NSD2: variants seen among roughly 807,000 people sequenced by gnomAD.
NSD2 encodes histone-lysine N-methyltransferase NSD2.
NSD2 carries 12 observed loss-of-function variants against 139.0 expected under a neutral mutation model. The observed-to-expected ratio is 0.09, with a 90% CI of 0.06 to 0.14. The LOEUF is 0.14. Among genes scored for constraint, NSD2 ranks in the 10% least tolerant of loss-of-function variants. The pLI, the probability that NSD2 is intolerant of heterozygous loss-of-function variation, is 1.00. For missense variants in NSD2, 1,155 were observed against 1,745.0 expected, an observed-to-expected ratio of 0.66 and a Z score of 6.02; for synonymous variants, 669 against 648.7, an observed-to-expected ratio of 1.03 and a Z score of -0.48.
rs529355998 is a variant in NSD2 at position 1,956,508 on chromosome 4, C to T, written c.2881+320C>T. Among the ~76,000 whole-genome samples the T allele has an allele frequency of 8.5e-5, 13 of 152,180 alleles. No individual in the cohort carries two copies. The South Asian group carries it at 2.7e-3, about 32-fold the overall frequency. ...TAAAATGCAGATCTGAAGGAAGGGTCCTGTTGTCTCGACCTTGTGCAGCAG... is the reference window on the plus strand; with the variant it reads ...TAAAATGCAGATCTGAAGGAAGGGTTCTGTTGTCTCGACCTTGTGCAGCAG... On this transcript the variant is annotated intron_variant, in intron 15 of 21. Transcript: ENST00000508803. The surrounding 1 kb of genome is among the most constrained non-coding windows in gnomAD (Gnocchi z 5.3).
chr4:1,947,420 G>A (rs1193214185), intron 9 of NSD2: 2 of 1,059,806 alleles, frequency 1.9e-6, no homozygotes, highest in East Asian at 5.2e-5. Flanking sequence ...TGCTCTGGGA[G>A]TGGAGACTTC....
In NSD2 at chr4:1,981,688, C is replaced by T. The variant is rs77520268; in HGVS notation, c.*2779C>T. On this transcript the variant is annotated 3_prime_UTR_variant, in exon 22 of 22. Coordinates refer to ENST00000508803, the MANE Select transcript of NSD2 (RefSeq NM_001042424.3). Reference sequence around the variant, plus strand: ...CGTCCATGGCTGGCTGGGTCCCCTTCGCAGTGTTTGTCTGTCTTGACATCT... The same window carrying T: ...CGTCCATGGCTGGCTGGGTCCCCTTTGCAGTGTTTGTCTGTCTTGACATCT... The T allele has an allele frequency of 1.2e-3, 483 of 394,842 alleles. 4 individuals carry two copies. Among genetic ancestry groups the T allele is most frequent in the African/African-American group, 8.9e-3 (434 of 48,708 alleles). The allele number at this position is 394,842 out of a possible 1,614,324, so 24.5% of individuals were successfully genotyped here. A position where few individuals can be genotyped will look rare whatever the true frequency, so the allele number is the denominator to read the frequency against.
chr4:1,905,914 T>G (rs1320195594), intron 3 of NSD2, among the ~76,000 whole-genome samples: 1 of 152,198 alleles, frequency 6.6e-6, no homozygotes, highest in Non-Finnish European at 1.5e-5. Context: ...TAAATGCTGG[T>G]TGAGACAGAA....
chr4:1,895,841 A>G (rs917354690), intron 1 of NSD2, among the ~76,000 whole-genome samples: 2 of 152,128 alleles, frequency 1.3e-5, no homozygotes, highest in African/African-American at 4.8e-5. Flanking sequence ...CACATTTCTC[A>G]AGGGTGGCTC....
intron 9 of NSD2, chr4:1,946,461 G>C (rs1723643438): frequency 1.7e-6 from 1 of 601,900 alleles, no homozygotes; most frequent in East Asian, 8.3e-5. Flanking sequence ...AGTAGAGACA[G>C]GGTTTCGCCA....
chr4:1,897,059 G>A (rs1477933804), intron 1 of NSD2, among the ~76,000 whole-genome samples: 1 of 151,890 alleles, frequency 6.6e-6, no homozygotes, highest in Non-Finnish European at 1.5e-5. Flanking sequence ...CCTCACAGCT[G>A]CTCAGGAGGC....
chr4:1,890,581 G>A (rs1182296250), intron 1 of NSD2, among the ~76,000 whole-genome samples: 4 of 151,728 alleles, frequency 2.6e-5, no homozygotes, highest in Non-Finnish European at 5.9e-5. Context: ...GATTACAGGC[G>A]TGAGTCACCG....
At position 1,955,281 on chromosome 4, in the gene NSD2, G is replaced by A. The variant is rs758343111; in HGVS notation, c.2459G>A (p.Arg820Gln). Residue 820 changes from arginine (R) to glutamine (Q), a missense_variant, in exon 13 of 22, where the codon CGG becomes CAG. Arg to Gln is a conservative substitution (Grantham distance 43). This residue lies in a region of NSD2 where 120 missense variants were observed against 239.3 expected (regional missense o/e 0.50). Coordinates refer to ENST00000508803, the MANE Select transcript of NSD2 (RefSeq NM_001042424.3). The surrounding 1 kb of genome is among the most constrained non-coding windows in gnomAD (Gnocchi z 4.7). ...SIICTAHFTA[R>Q]KGKRHHAHVN... Reference sequence around the variant, plus strand: ...ATCTGCACTGCCCACTTCACTGCTCGGAAGGGGAAGCGACACCACGCCCAC... The same window carrying A: ...ATCTGCACTGCCCACTTCACTGCTCAGAAGGGGAAGCGACACCACGCCCAC... The A allele has an allele frequency of 2.5e-5, 41 of 1,613,988 alleles. 1 individual carries two copies. The highest frequency in any genetic ancestry group is 1.7e-4 in the Middle Eastern group (1 of 6,036).
At position 1,955,564 on chromosome 4, in the gene NSD2, G is replaced by A. The variant is rs546402757; in HGVS notation, c.2519-129G>A. The A allele has an allele frequency of 2.2e-4, 289 of 1,285,452 alleles. No homozygotes were observed. Among genetic ancestry groups the A allele is most frequent in the Non-Finnish European group, 2.9e-4 (277 of 960,066 alleles). The allele number at this position is 1,285,452 out of a possible 1,614,324, so 79.6% of individuals were successfully genotyped here. The stretch of plus-strand genomic sequence containing the variant: ...AAATGACATTTGCTCTCGTGCTGAT[G>A]TACAGATCGCTGTTTTAAAACTGAT... On this transcript the variant is annotated intron_variant, in intron 13 of 21. Coordinates refer to ENST00000508803, the MANE Select transcript of NSD2 (RefSeq NM_001042424.3). The surrounding 1 kb of genome is among the most constrained non-coding windows in gnomAD (Gnocchi z 4.7).
At position 1,976,339 on chromosome 4, in the gene NSD2, ACTCCT is replaced by A. The variant is rs1364332513; in HGVS notation, c.3622-123_3622-119del. 15 of 848,316 alleles carry A rather than the reference ACTCCT, an allele frequency of 1.8e-5. No homozygotes were observed. The highest frequency in any genetic ancestry group is 2.8e-5 in the Non-Finnish European group (15 of 542,412). The allele number at this position is 848,316 out of a possible 1,614,324, so 52.5% of individuals were successfully genotyped here. Reference sequence around the variant, plus strand: ...GATGTCTGGGGAGCACGAGGAGGACACTCCTCTCCTCTCCTCTTAGTGTTGGGCAC... The same window carrying A: ...GATGTCTGGGGAGCACGAGGAGGACACTCCTCTCCTCTTAGTGTTGGGCAC... On this transcript the variant is annotated intron_variant, in intron 20 of 21. Transcript: ENST00000508803. The surrounding 1 kb of genome is among the most constrained non-coding windows in gnomAD (Gnocchi z 5.3).
At position 1,934,902 on chromosome 4, in the gene NSD2, TATATATAA is replaced by T. The variant is rs1270201938; in HGVS notation, c.1556-240_1556-233del. 3.3e-4 allele frequency among the ~76,000 whole-genome samples: 36 copies of T among 109,768 alleles called. 1 individual carries two copies. The highest frequency in any genetic ancestry group is 1.1e-3 in the African/African-American group (30 of 28,244). The allele number at this position is 109,768 out of a possible 152,430, so 72.0% of individuals were successfully genotyped here. ...AAATATATATATATATATATATATA[TATATATAA>T]AAAACAGATAAAACAGATGCTAATA... On this transcript the variant is annotated intron_variant, in intron 6 of 21. Coordinates refer to ENST00000508803, the MANE Select transcript of NSD2 (RefSeq NM_001042424.3).
intron 1 of NSD2, among the ~76,000 whole-genome samples, chr4:1,896,176 C>G (rs760335527): frequency 6.6e-6 from 1 of 152,218 alleles, no homozygotes; most frequent in Non-Finnish European, 1.5e-5. Flanking sequence ...GCCAGCTGCT[C>G]GCCATGACTC....
intron 21 of NSD2, among the ~76,000 whole-genome samples, chr4:1,977,411 T>C (rs943498713): frequency 6.6e-6 from 1 of 152,132 alleles, no homozygotes; most frequent in African/African-American, 2.4e-5. Context: ...AATCTTGCAG[T>C]GTGTCGCCAT....
chr4:1,946,832 A>G (rs1455086283), intron 9 of NSD2: 14 of 1,056,560 alleles, frequency 1.3e-5, no homozygotes, highest in Non-Finnish European at 1.4e-5. Context: ...TGTCTCTCCA[A>G]CAGCCCGACA....
At chr4:1,970,212 C>A (rs553810917) in intron 18 of NSD2, among the ~76,000 whole-genome samples, 3 of 152,192 alleles carry the variant, frequency 2.0e-5, no homozygotes, top group East Asian at 1.9e-4. Flanking sequence ...CCTGTAGATA[C>A]CCAGGCAAAA....
At chr4:1,914,270 G>A (rs1719070214) in intron 3 of NSD2, among the ~76,000 whole-genome samples, 1 of 151,344 alleles carries the variant, frequency 6.6e-6, no homozygotes, top group African/African-American at 2.4e-5. Context: ...TATTCTACCC[G>A]CCTTGGCCTC....
At chr4:1,946,161 AC>A in intron 9 of NSD2, 3 of 1,024,272 alleles carry the variant, frequency 2.9e-6, no homozygotes, top group Non-Finnish European at 3.5e-6. Flanking sequence ...TGCCAGAGAA[AC>A]TGAGGTAACT....
At chr4:1,893,796 C>T (rs927719348) in intron 1 of NSD2, 2 of 152,248 alleles carry the variant, frequency 1.3e-5, no homozygotes, top group Non-Finnish European at 2.9e-5. Flanking sequence ...CTACCTGCCT[C>T]GTCCTCCCAA....
At chr4:1,886,772 G>T (rs1051423012) in intron 1 of NSD2, among the ~76,000 whole-genome samples, 3 of 152,052 alleles carry the variant, frequency 2.0e-5, no homozygotes, top group African/African-American at 7.2e-5. Flanking sequence ...TGGGGAGGTG[G>T]AGGTTGCAGT....
Sources: allele counts gnomAD v4.1 joint callset (sites outside exome capture counted in the v4.1 genomes callset), GRCh38; gene constraint gnomAD v4.1.1; regional missense constraint gnomAD v4.1.1; non-coding constraint Gnocchi (gnomAD v3.1); transcripts MANE v1.5; gene names NCBI Gene and HGNC (gene_info 2026-07-23, HGNC 2026-07-21).